Variants in GALNT17 observed in about 807,000 individuals in gnomAD.
GALNT17 encodes polypeptide N-acetylgalactosaminyltransferase 17, also known as UDP-GalNAc:polypeptide N-acetylgalactosaminyltransferase-like 3.
Under a neutral mutation model 63.7 loss-of-function variants are expected in GALNT17, and 29 were observed. The observed-to-expected ratio is 0.46, with a 90% CI of 0.34 to 0.62. GALNT17 has a LOEUF of 0.62. Ranked by LOEUF, GALNT17 falls within the 20% of genes least tolerant of loss-of-function variation. The pLI is 0.01. For synonymous variants in GALNT17, 305 were observed against 318.3 expected (o/e 0.96, Z 0.45); for missense variants, 603 against 799.6 (o/e 0.75, Z 2.97).
chr7:71,484,706 T>C (rs1357609732), intron 5 of GALNT17, among the ~76,000 whole-genome samples: 1 of 152,080 alleles, frequency 6.6e-6, no homozygotes, highest in Admixed American at 6.6e-5. Context: ...CCAAACTTCA[T>C]TATGTGGTGC....
chr7:71,443,620 C>T (rs1351383839), intron 5 of GALNT17, among the ~76,000 whole-genome samples: 1 of 152,192 alleles, frequency 6.6e-6, no homozygotes, highest in Non-Finnish European at 1.5e-5. Context: ...GAAGCTGCCT[C>T]AGGCCCTCAC....
chr7:71,220,399 G>GTCCTGTGATATTT (rs1789561905), intron 1 of GALNT17, among the ~76,000 whole-genome samples: 1 of 152,172 alleles, frequency 6.6e-6, no homozygotes, highest in Non-Finnish European at 1.5e-5. Flanking sequence ...AGAAAGGGAG[G>GTCCTGTGATATTT]TCCTGTGATA....
chr7:71,314,859 T>G (rs1353728812), intron 1 of GALNT17, among the ~76,000 whole-genome samples: 1 of 152,174 alleles, frequency 6.6e-6, no homozygotes, highest in Non-Finnish European at 1.5e-5. Context: ...TGAGCCATGA[T>G]TGCACAGACA....
chr7:71,504,708 T>A (rs1788238098), intron 5 of GALNT17, among the ~76,000 whole-genome samples: 1 of 152,204 alleles, frequency 6.6e-6, no homozygotes, highest in South Asian at 2.1e-4. Flanking sequence ...ATTACCTTTG[T>A]CAAATTTGCT....
intron 1 of GALNT17, among the ~76,000 whole-genome samples, chr7:71,298,711 GGTGTGT>G (rs10602909): frequency 1.7e-3 from 242 of 141,492 alleles, no homozygotes; most frequent in Non-Finnish European, 2.3e-3. Flanking sequence ...ATTCCAGTGG[GGTGTGT>G]GTGTGTGTGT....
intron 2 of GALNT17, among the ~76,000 whole-genome samples, chr7:71,381,406 T>C (rs1472604084): frequency 2.0e-5 from 3 of 151,970 alleles, no homozygotes; most frequent in South Asian, 4.1e-4. Context: ...GACTGGGAGG[T>C]TGGCCCAAGG....
intron 5 of GALNT17, among the ~76,000 whole-genome samples, chr7:71,483,007 G>A (rs757941973): frequency 7.9e-5 from 12 of 152,160 alleles, no homozygotes; most frequent in Admixed American, 2.0e-4. Flanking sequence ...GCTCGCCTGC[G>A]GGCCGCTCAC....
intron 2 of GALNT17, among the ~76,000 whole-genome samples, chr7:71,366,944 A>G (rs1272760320): frequency 3.3e-5 from 5 of 152,132 alleles, no homozygotes; most frequent in Non-Finnish European, 5.9e-5. Flanking sequence ...TTTATTGAAT[A>G]TGTGGGTTCC....
At chr7:71,641,168 A>G (rs1584107559) in intron 6 of GALNT17, among the ~76,000 whole-genome samples, 1 of 152,218 alleles carries the variant, frequency 6.6e-6, no homozygotes, top group East Asian at 1.9e-4. Context: ...ATCTCAGGAC[A>G]TAGGGGTTGG....
chr7:71,433,654 C>A (rs1786908659), intron 5 of GALNT17, among the ~76,000 whole-genome samples: 2 of 152,266 alleles, frequency 1.3e-5, no homozygotes, highest in Non-Finnish European at 2.9e-5. Context: ...TTGCCTGTCC[C>A]TTCTTTTGTC....
Position 71,421,000 on chromosome 7 carries a change from A to G in GALNT17, c.857A>G (p.Gln286Arg), listed in dbSNP as rs772568078. ...ATCAAACAGGACAACTTTGAGGTGCAGCGGTACGAGAACTCGGCCCACGGG... is the reference window on the plus strand; with the variant it reads ...ATCAAACAGGACAACTTTGAGGTGCGGCGGTACGAGAACTCGGCCCACGGG... ...DNIKQDNFEV[Q>R]RYENSAHGYS... Residue 286 changes from glutamine (Q) to arginine (R), a missense_variant, in exon 5 of 11, where the codon CAG becomes CGG. Around this residue, in one of 3 missense-constraint regions of GALNT17, gnomAD observed 336 missense variants for 507.8 expected, o/e 0.66. Transcript: ENST00000333538. The G allele has an allele frequency of 6.2e-7, 1 of 1,614,158 alleles. No homozygotes were observed.
At chr7:71,322,755 G>A (rs1359352992) in intron 1 of GALNT17, among the ~76,000 whole-genome samples, 2 of 152,142 alleles carry the variant, frequency 1.3e-5, no homozygotes, top group African/African-American at 4.8e-5. Context: ...TATAGGAGAG[G>A]AAGAGACACA....
At position 71,463,294 on chromosome 7, in the gene GALNT17, G is replaced by T. The variant is rs116670175; in HGVS notation, c.962+42189G>T. 4.0e-3 allele frequency among the ~76,000 whole-genome samples: 602 copies of T among 152,272 alleles called. 3 individuals carry two copies. Among genetic ancestry groups the T allele is most frequent in the African/African-American group, 0.014 (564 of 41,552 alleles). Reference sequence around the variant, plus strand: ...AGAGACCTTATATATAGAAACAATGGGGTTGCAAATCAATTCTTAAACAGT... The same window carrying T: ...AGAGACCTTATATATAGAAACAATGTGGTTGCAAATCAATTCTTAAACAGT... On this transcript the variant is annotated intron_variant, in intron 5 of 10. Coordinates refer to ENST00000333538, the MANE Select transcript of GALNT17 (RefSeq NM_022479.3).
rs79847975 is a variant in GALNT17, at chr7:71,336,131, G to A, written c.422+398G>A. Among the ~76,000 whole-genome samples, 12 of 144,068 alleles carry A rather than the reference G, an allele frequency of 8.3e-5. No homozygotes were observed. The South Asian group carries it at 1.9e-3, about 23-fold the overall frequency. 94.5% of individuals were successfully genotyped at this position (144,068 alleles called of 152,430 possible). On this transcript the variant is annotated intron_variant, in intron 2 of 10. Transcript: ENST00000333538. ...GCGATCTCAGCTCACCGCAACCTCC[G>A]CCTTTTGGGGTTTAGGTGATTCTCC...
Position 71,388,384 on chromosome 7 carries a change from A to G in GALNT17, c.572A>G (p.Asp191Gly), listed in dbSNP as rs375029711. The change falls in exon 3 of 11, where the codon GAT becomes GGT. Residue 191 changes from aspartate to glycine, a missense_variant. By Grantham distance (94) the Asp-to-Gly change is moderately conservative. Transcript: ENST00000333538. ...THLLKEIILV[D>G]DNSDEEELKV... is the part of the protein sequence containing the mutation. Reference sequence around the variant, plus strand: ...CTGCTGAAGGAAATCATTCTGGTGGATGACAACAGCGACGAAGGTACAGGG... The same window carrying G: ...CTGCTGAAGGAAATCATTCTGGTGGGTGACAACAGCGACGAAGGTACAGGG... 1 of 1,613,836 alleles carries G rather than the reference A, an allele frequency of 6.2e-7. No individual in the cohort carries two copies. Among genetic ancestry groups the G allele is most frequent in the African/African-American group, 1.3e-5 (1 of 74,892 alleles).
At chr7:71,321,295 C>A (rs1217410730) in intron 1 of GALNT17, among the ~76,000 whole-genome samples, 1 of 152,184 alleles carries the variant, frequency 6.6e-6, no homozygotes, top group Non-Finnish European at 1.5e-5. Context: ...TCTGAAGGTT[C>A]CCAAACTCTT....
chr7:71,227,577 T>C (rs1789704389), intron 1 of GALNT17, among the ~76,000 whole-genome samples: 1 of 152,102 alleles, frequency 6.6e-6, no homozygotes, highest in African/African-American at 2.4e-5. Flanking sequence ...GAGAGACCCC[T>C]GTTATCCCTC....
At chr7:71,598,090 C>T (rs1421952003) in intron 6 of GALNT17, among the ~76,000 whole-genome samples, 1 of 152,046 alleles carries the variant, frequency 6.6e-6, no homozygotes, top group African/African-American at 2.4e-5. Context: ...ACTACAGGCG[C>T]ACGCCACCAT....
rs1418096435 is a variant in GALNT17, at chr7:71,469,463, T to C, written c.962+48358T>C. Reference sequence around the variant, plus strand: ...GGGCAACCCCTGAACCAGAATAGGTTCAGAGAGACTCTGTCGCAGCTGCAT... The same window carrying C: ...GGGCAACCCCTGAACCAGAATAGGTCCAGAGAGACTCTGTCGCAGCTGCAT... On this transcript the variant is annotated intron_variant, in intron 5 of 10. Transcript: ENST00000333538. 2.0e-5 allele frequency among the ~76,000 whole-genome samples: 3 copies of C among 152,182 alleles called. No homozygotes were observed. In the East Asian group the frequency reaches 5.8e-4, roughly 29 times the overall value.
Sources: allele counts gnomAD v4.1 joint callset (sites outside exome capture counted in the v4.1 genomes callset), GRCh38; gene constraint gnomAD v4.1.1; regional missense constraint gnomAD v4.1.1; transcripts MANE v1.5; gene names NCBI Gene and HGNC (gene_info 2026-07-23, HGNC 2026-07-21).